Variants in CLEC12A observed in about 807,000 individuals in gnomAD.
CLEC12A encodes the protein C-type lectin protein CLL-1.
In CLEC12A, 22 loss-of-function variants were observed where a neutral mutation model predicts 26.5. The ratio of observed to expected loss-of-function variants is 0.83; its 90% CI spans 0.59 to 1.19. CLEC12A has a LOEUF of 1.19. CLEC12A is among the 50% of genes most tolerant of loss of function. The probability of loss-of-function intolerance (pLI) is 0.00; values close to 1 mark genes in which losing one functional copy is unlikely to be tolerated. For synonymous variants in CLEC12A, 119 were observed against 101.9 expected (o/e 1.17, Z -1.01); for missense variants, 353 against 315.6 (o/e 1.12, Z -0.90).
chr12:9,974,864 G>A (rs1864271651), intron 1 of CLEC12A, among the ~76,000 whole-genome samples: 1 of 152,164 alleles, frequency 6.6e-6, no homozygotes, highest in South Asian at 2.1e-4. Flanking sequence ...ATCTTGAATT[G>A]TAGCTCCCAT....
At chr12:9,995,993 A>C (rs562348124), downstream of CLEC12A, among the ~76,000 whole-genome samples, 16 of 152,184 alleles carry the variant, frequency 1.1e-4, no homozygotes, top group Non-Finnish European at 1.9e-4. Context: ...CAATCAATCT[A>C]TGGGTAACAA....
downstream of CLEC12A, chr12:9,998,466 C>G: frequency 6.7e-6 from 6 of 894,246 alleles, no homozygotes; most frequent in South Asian, 8.0e-5. Context: ...CCCCTGCCTT[C>G]TCAGGGTCCT....
chr12:9,975,669 T>G lies in CLEC12A; in HGVS notation c.92-3297T>G, dbSNP rs1045278485. Among the ~76,000 whole-genome samples, 12 of 152,044 alleles carry G rather than the reference T, an allele frequency of 7.9e-5. 1 individual carries two copies. In the East Asian group the frequency reaches 2.3e-3, roughly 29 times the overall value. On this transcript the variant is annotated intron_variant, in intron 1 of 5. Transcript: ENST00000304361. ...GAAAATCCCATTTTCTGAGGAGAAA[T>G]TCAAGCCAGCTGAAGAAATTTCTAA...
At chr12:9,970,688 T>C (rs77370131), upstream of CLEC12A, among the ~76,000 whole-genome samples, 3 of 146,922 alleles carry the variant, frequency 2.0e-5, no homozygotes, top group Non-Finnish European at 3.0e-5. Flanking sequence ...GATCAAATGG[T>C]TGAGTCAGTC....
chr12:9,994,159 G>A (rs1216950662), intron 4 of CLEC12A, among the ~76,000 whole-genome samples: 2 of 152,102 alleles, frequency 1.3e-5, no homozygotes, highest in African/African-American at 4.8e-5. Context: ...TTGAGTCTCA[G>A]TGGAGAGATG....
intron 1 of CLEC12A, among the ~76,000 whole-genome samples, chr12:9,972,489 G>A (rs1047202392): frequency 6.6e-6 from 1 of 152,014 alleles, no homozygotes; most frequent in East Asian, 1.9e-4. Context: ...CTGCCCTAGC[G>A]AATCCATAGT....
intron 1 of CLEC12A, among the ~76,000 whole-genome samples, chr12:9,956,799 C>T (rs887500956): frequency 6.6e-6 from 1 of 152,162 alleles, no homozygotes; most frequent in South Asian, 2.1e-4. Context: ...TGGAAGAAAA[C>T]TGCAGTACAC....
upstream of CLEC12A, among the ~76,000 whole-genome samples, chr12:9,966,743 A>G (rs55644820): frequency 0.56 from 81,542 of 144,462 alleles, 23,426 homozygotes; most frequent in South Asian, 0.7. Flanking sequence ...GGGTTTGAGG[A>G]CTGGAATTTA....
downstream of CLEC12A, among the ~76,000 whole-genome samples, chr12:9,986,970 G>A (rs73255655): frequency 4.6e-5 from 7 of 152,064 alleles, no homozygotes; most frequent in African/African-American, 7.3e-5. Flanking sequence ...TTTAAAAGAT[G>A]CTTTTTGAAT....
At chr12:9,955,161 A>C (rs1222966161) in intron 1 of CLEC12A, among the ~76,000 whole-genome samples, 6 of 152,100 alleles carry the variant, frequency 3.9e-5, no homozygotes, top group Admixed American at 3.9e-4. Flanking sequence ...ATCTCGGCTC[A>C]CTGCAAGCTC....
rs1217350815 is a variant in CLEC12A at position 9,952,141 on chromosome 12, CTCTCCG to C, written c.10+791_10+796del. 3.3e-4 allele frequency: 28 copies of C among 85,656 alleles called. 1 individual carries two copies. Among genetic ancestry groups the C allele is most frequent in the African/African-American group, 1.1e-3 (25 of 22,004 alleles). 5.3% of individuals were successfully genotyped at this position (85,656 alleles called of 1,614,324 possible). A position where few individuals can be genotyped will look rare whatever the true frequency, so the allele number is the denominator to read the frequency against. The stretch of plus-strand genomic sequence containing the variant: ...GCTCTCCCTCTCCCTCTCCCTCTCC[CTCTCCG>C]TCTCCCTCTCCCTCTCCCTCTCCGT... On this transcript the variant is annotated intron_variant, in intron 1 of 6. Transcript: ENST00000355690.
At chr12:9,984,563 G>T (rs1428061073) in intron 5 of CLEC12A, among the ~76,000 whole-genome samples, 1 of 151,966 alleles carries the variant, frequency 6.6e-6, no homozygotes, top group African/African-American at 2.4e-5. Flanking sequence ...CTTATGGAAT[G>T]GTATTATTCC....
At chr12:9,969,381 A>G (rs1262110041), upstream of CLEC12A, among the ~76,000 whole-genome samples, 8 of 152,214 alleles carry the variant, frequency 5.3e-5, no homozygotes, top group African/African-American at 9.6e-5. Flanking sequence ...ACTATTTTGT[A>G]TCAATAACAA....
At chr12:9,983,450 A>G (rs1864640404) in intron 5 of CLEC12A, 1 of 683,884 alleles carries the variant, frequency 1.5e-6, no homozygotes, top group Admixed American at 2.1e-5. Context: ...TTCTGCTTAT[A>G]ATGGGAAAAA....
chr12:10,002,593 C>A, the CLEC12A span, among the ~76,000 whole-genome samples: 1 of 151,430 alleles, frequency 6.6e-6, no homozygotes, highest in Admixed American at 6.6e-5. Flanking sequence ...CAGGCGCCCG[C>A]CACCACGGCC....
upstream of CLEC12A, among the ~76,000 whole-genome samples, chr12:9,970,617 C>A (rs1475356463): frequency 6.6e-6 from 1 of 152,084 alleles, no homozygotes; most frequent in African/African-American, 2.4e-5. Flanking sequence ...ACTAATAAGA[C>A]ACAAATCTGG....
At chr12:9,981,805 C>T (rs953130337) in intron 4 of CLEC12A, among the ~76,000 whole-genome samples, 1 of 152,058 alleles carries the variant, frequency 6.6e-6, no homozygotes, top group Non-Finnish European at 1.5e-5. Flanking sequence ...TTAGTAGGGC[C>T]TCTCTTCTTG....
In CLEC12A at chr12:9,985,091, A is replaced by G; in HGVS notation, c.*65A>G. On this transcript the variant is annotated 3_prime_UTR_variant, in exon 6 of 6. Coordinates refer to ENST00000304361, the MANE Select transcript of CLEC12A (RefSeq NM_138337.6). ...GGTTCTAGGCTATAGGTAAATTTAA[A>G]TATTTTCTGGTTGACAATTAGTTGA... 7.6e-7 allele frequency: 1 copy of G among 1,307,924 alleles called. No individual in the cohort carries two copies. The highest frequency in any genetic ancestry group is 9.7e-7 in the Non-Finnish European group (1 of 1,030,270). 81.0% of individuals were successfully genotyped at this position (1,307,924 alleles called of 1,614,324 possible). A position where few individuals can be genotyped will look rare whatever the true frequency, so the allele number is the denominator to read the frequency against.
In CLEC12A at chr12:9,971,484, C is replaced by A. The variant is rs1864119736; in HGVS notation, c.-113C>A. The A allele has an allele frequency of 7.0e-7, 1 of 1,434,624 alleles. No homozygotes were observed. Among genetic ancestry groups the A allele is most frequent in the Admixed American group, 2.8e-5 (1 of 35,186 alleles). The allele number at this position is 1,434,624 out of a possible 1,614,324, so 88.9% of individuals were successfully genotyped here. A position where few individuals can be genotyped will look rare whatever the true frequency, so the allele number is the denominator to read the frequency against. On this transcript the variant is annotated 5_prime_UTR_variant, in exon 1 of 6. Transcript: ENST00000304361. Reference sequence around the variant, plus strand: ...AGTTTAAACTTGTAAGCTTAAGCTTCCGTTTATAAACAGAAGTTTAAAATT... The same window carrying A: ...AGTTTAAACTTGTAAGCTTAAGCTTACGTTTATAAACAGAAGTTTAAAATT...
Sources: allele counts gnomAD v4.1 joint callset (sites outside exome capture counted in the v4.1 genomes callset), GRCh38; gene constraint gnomAD v4.1.1; transcripts MANE v1.5; gene names NCBI Gene and HGNC (gene_info 2026-07-23, HGNC 2026-07-21).